Variants in RFX3 observed in about 807,000 individuals in gnomAD.
RFX3 encodes transcription factor RFX3.
A neutral mutation model predicts 98.6 loss-of-function variants in RFX3; 14 were observed. The ratio of observed to expected loss-of-function variants is 0.14; its 90% CI spans 0.09 to 0.22. RFX3 has a LOEUF of 0.22. Among genes scored for constraint, RFX3 ranks in the 10% least tolerant of loss-of-function variants. The pLI is 1.00. For missense variants in RFX3, 639 were observed against 926.9 expected, an observed-to-expected ratio of 0.69 and a Z score of 4.03; for synonymous variants, 383 against 328.4, an observed-to-expected ratio of 1.17 and a Z score of -1.80.
chr9:3,496,191 T>A (rs1277542147), intron 1 of RFX3, among the ~76,000 whole-genome samples: 2 of 152,032 alleles, frequency 1.3e-5, no homozygotes, highest in African/African-American at 4.8e-5. Context: ...AATACGAGCC[T>A]CGTTGTATAT....
intron 15 of RFX3, among the ~76,000 whole-genome samples, chr9:3,240,611 T>C (rs967458777): frequency 3.9e-5 from 6 of 152,222 alleles, no homozygotes; most frequent in Non-Finnish European, 8.8e-5. Flanking sequence ...AAGGCCCATA[T>C]TCTTGCAGAG....
intron 1 of RFX3, among the ~76,000 whole-genome samples, chr9:3,477,733 T>TA (rs1172552486): frequency 6.6e-6 from 1 of 152,188 alleles, no homozygotes. Flanking sequence ...CATTTTTTTT[T>TA]AAATATTCTT....
At chr9:3,490,432 A>G (rs1850642134) in intron 1 of RFX3, 1 of 241,446 alleles carries the variant, frequency 4.1e-6, no homozygotes, top group Non-Finnish European at 6.7e-6. Context: ...TAAAATTATT[A>G]AGTTTATAGA....
At chr9:3,383,085 A>C (rs147724874) in intron 2 of RFX3, among the ~76,000 whole-genome samples, 2 of 152,286 alleles carry the variant, frequency 1.3e-5, no homozygotes, top group African/African-American at 4.8e-5. Context: ...AAAAATTGCA[A>C]GAATTATACA....
chr9:3,370,996 A>T (rs1210525022), intron 2 of RFX3, among the ~76,000 whole-genome samples: 1 of 152,180 alleles, frequency 6.6e-6, no homozygotes, highest in Non-Finnish European at 1.5e-5. Context: ...TTACTGTTGT[A>T]ACATAAGATG....
At chr9:3,492,820 G>C (rs1850821550) in intron 1 of RFX3, among the ~76,000 whole-genome samples, 1 of 152,216 alleles carries the variant, frequency 6.6e-6, no homozygotes, top group East Asian at 1.9e-4. Context: ...AGCTGTTTCT[G>C]GTCAAGTTAG....
At chr9:3,523,563 A>G (rs777974745) in intron 1 of RFX3, among the ~76,000 whole-genome samples, 3 of 152,164 alleles carry the variant, frequency 2.0e-5, no homozygotes, top group African/African-American at 7.2e-5. Flanking sequence ...AAATGCCTCA[A>G]AAAAAGTTCT....
rs541612731 is a variant in RFX3 at position 3,285,416 on chromosome 9, G to A, written c.851+2715C>T. On this transcript the variant is annotated intron_variant, in intron 7 of 16. Transcript: ENST00000617270. ...ATTTTTAAGAAGTTCTTTTCCCACT[G>A]TTTTCAACAAATATTCTTAAATTAG... 5.9e-5 allele frequency among the ~76,000 whole-genome samples: 9 copies of A among 151,654 alleles called. No individual in the cohort carries two copies. In the South Asian group the frequency reaches 6.2e-4, roughly 11 times the overall value.
chr9:3,229,630 A>T (rs628884), intron 15 of RFX3, among the ~76,000 whole-genome samples: 128,193 of 152,170 alleles, frequency 0.84, 55,008 homozygotes, highest in East Asian at 0.97. Context: ...ATACACTGAA[A>T]TAAAAATTGA....
intron 1 of RFX3, chr9:3,489,427 G>A: frequency 6.1e-6 from 6 of 985,316 alleles, no homozygotes; most frequent in Non-Finnish European, 7.2e-6. Flanking sequence ...GGAAGCAGAA[G>A]TTCACACAAA....
chr9:3,394,164 A>T (rs1436314496), intron 2 of RFX3, among the ~76,000 whole-genome samples: 1 of 152,124 alleles, frequency 6.6e-6, no homozygotes, highest in African/African-American at 2.4e-5. Context: ...AAAAATGTTT[A>T]AAAAATAAAC....
chr9:3,265,534 C>A (rs1051077817), intron 12 of RFX3, among the ~76,000 whole-genome samples: 1 of 152,036 alleles, frequency 6.6e-6, no homozygotes, highest in Non-Finnish European at 1.5e-5. Flanking sequence ...TTTCTGTTAC[C>A]AACATTTAAA....
chr9:3,499,420 T>C (rs769086059), intron 1 of RFX3, among the ~76,000 whole-genome samples: 1 of 152,068 alleles, frequency 6.6e-6, no homozygotes, highest in Non-Finnish European at 1.5e-5. Flanking sequence ...TTTTGGACAG[T>C]AATAATTTTA....
chr9:3,228,032 C>T (rs754482206), intron 16 of RFX3, among the ~76,000 whole-genome samples: 6 of 152,132 alleles, frequency 3.9e-5, no homozygotes, highest in South Asian at 2.1e-4. Flanking sequence ...AGTCAATAAC[C>T]GTAACAATTC....
At chr9:3,352,967 A>G (rs1365780579) in intron 2 of RFX3, among the ~76,000 whole-genome samples, 3 of 152,042 alleles carry the variant, frequency 2.0e-5, no homozygotes. Context: ...ACAATGATAG[A>G]CTGGATTAAG....
intron 1 of RFX3, among the ~76,000 whole-genome samples, chr9:3,454,786 C>T (rs1478706665): frequency 6.6e-6 from 1 of 152,114 alleles, no homozygotes; most frequent in East Asian, 1.9e-4. Context: ...AGTTTATAAG[C>T]CATTCACATG....
At chr9:3,313,754 A>T (rs1389401231) in intron 4 of RFX3, among the ~76,000 whole-genome samples, 1 of 152,238 alleles carries the variant, frequency 6.6e-6, no homozygotes, top group Non-Finnish European at 1.5e-5. Flanking sequence ...GATTTGATTA[A>T]GTGGAAGAAA....
chr9:3,451,593 A>C (rs961145074), intron 1 of RFX3, among the ~76,000 whole-genome samples: 1 of 152,124 alleles, frequency 6.6e-6, no homozygotes, highest in African/African-American at 2.4e-5. Flanking sequence ...ATGACAGACA[A>C]ATTTCTTGTG....
intron 4 of RFX3, among the ~76,000 whole-genome samples, chr9:3,315,430 T>C (rs1470709295): frequency 6.6e-6 from 1 of 152,064 alleles, no homozygotes; most frequent in Non-Finnish European, 1.5e-5. Context: ...AGGAAAGATC[T>C]AAAATTGACA....
Sources: gnomAD v4.1 joint callset for allele counts (sites outside exome capture counted in the v4.1 genomes callset) on GRCh38, gnomAD v4.1.1 for gene constraint, MANE v1.5 for transcripts, NCBI Gene and HGNC (gene_info 2026-07-23, HGNC 2026-07-21) for gene names.